SMARCC1: variants seen among roughly 807,000 people sequenced by gnomAD.
SMARCC1 encodes the protein SWI/SNF complex subunit SMARCC1.
Under a neutral mutation model 147.4 loss-of-function variants are expected in SMARCC1, and 43 were observed. The observed-to-expected ratio is 0.29, with a 90% CI of 0.23 to 0.38. SMARCC1 has a LOEUF of 0.38. Among genes scored for constraint, SMARCC1 ranks in the 10% least tolerant of loss-of-function variants. The probability of loss-of-function intolerance (pLI) is 1.00; values close to 1 mark genes in which losing one functional copy is unlikely to be tolerated. For missense variants in SMARCC1, 1,119 were observed against 1,381.1 expected, an observed-to-expected ratio of 0.81 and a Z score of 3.01; for synonymous variants, 495 against 484.4, an observed-to-expected ratio of 1.02 and a Z score of -0.29.
At chr3:47,739,609 C>G (rs930635111) in intron 3 of SMARCC1, among the ~76,000 whole-genome samples, 1 of 152,148 alleles carries the variant, frequency 6.6e-6, no homozygotes, top group Non-Finnish European at 1.5e-5. Context: ...GCTGACATTA[C>G]AGGGGTGAGC....
intron 25 of SMARCC1, among the ~76,000 whole-genome samples, chr3:47,612,678 A>G (rs769564232): frequency 6.6e-6 from 1 of 152,204 alleles, no homozygotes; most frequent in Non-Finnish European, 1.5e-5. Context: ...GCTAGCCTGT[A>G]TTATCCTCTT....
intron 3 of SMARCC1, among the ~76,000 whole-genome samples, chr3:47,744,433 A>T (rs1364733284): frequency 6.6e-6 from 1 of 152,196 alleles, no homozygotes; most frequent in Non-Finnish European, 1.5e-5. Flanking sequence ...AAGTTTCAGT[A>T]AATACACATG....
At chr3:47,759,940 G>C (rs2034754647) in intron 2 of SMARCC1, among the ~76,000 whole-genome samples, 1 of 149,418 alleles carries the variant, frequency 6.7e-6, no homozygotes, top group Non-Finnish European at 1.5e-5. Flanking sequence ...TCCATCTCCA[G>C]AAAAAAAAGA....
intron 19 of SMARCC1, chr3:47,670,421 C>A: frequency 4.1e-6 from 2 of 489,444 alleles, no homozygotes; most frequent in East Asian, 6.8e-5. Context: ...CCCATTGCTA[C>A]AAAAAATACA....
rs1335852457 is a variant in SMARCC1 at position 47,663,066 on chromosome 3, TAGAA to T, written c.1900-478_1900-475del. 9.2e-5 allele frequency among the ~76,000 whole-genome samples: 12 copies of T among 130,450 alleles called. No individual in the cohort carries two copies. In the East Asian group the frequency reaches 1.2e-3, roughly 13 times the overall value. 85.6% of individuals were successfully genotyped at this position (130,450 alleles called of 152,430 possible). A position where few individuals can be genotyped will look rare whatever the true frequency, so the allele number is the denominator to read the frequency against. ...ATTCCAGCCTAGGCGGCAAGAGTGA[TAGAA>T]AGAAAGAAAAGAAGAAACAAAAGAA... On this transcript the variant is annotated intron_variant, in intron 19 of 27. Transcript: ENST00000254480.
At chr3:47,743,278 A>C (rs1036429753) in intron 3 of SMARCC1, among the ~76,000 whole-genome samples, 1 of 152,238 alleles carries the variant, frequency 6.6e-6, no homozygotes, top group Non-Finnish European at 1.5e-5. Flanking sequence ...GAAGGTGCAC[A>C]CTGAAACTGG....
intron 25 of SMARCC1, among the ~76,000 whole-genome samples, chr3:47,611,477 G>A (rs2032564016): frequency 6.6e-6 from 1 of 152,068 alleles, no homozygotes; most frequent in Non-Finnish European, 1.5e-5. Flanking sequence ...TACATATACT[G>A]GATTATGTAA....
At chr3:47,749,772 G>A (rs965187257) in intron 2 of SMARCC1, among the ~76,000 whole-genome samples, 18 of 145,796 alleles carry the variant, frequency 1.2e-4, no homozygotes, top group South Asian at 1.1e-3. Flanking sequence ...GAGAGGTGGC[G>A]GGGAGAGGGA....
rs369050809 is a variant in SMARCC1 at position 47,651,540 on chromosome 3, T to G, written c.2320+9754A>C. ...GCTTTACACTGGCTTCTGCCAATAC[T>G]GGGAACACTCTTACACTGGATGCCT... On this transcript the variant is annotated intron_variant, in intron 21 of 27. Transcript: ENST00000254480. 3.1e-4 allele frequency among the ~76,000 whole-genome samples: 47 copies of G among 152,322 alleles called. No homozygotes were observed. In the East Asian group the frequency reaches 4.2e-3, roughly 14 times the overall value.
At chr3:47,604,345 C>T (rs1219295181) in intron 26 of SMARCC1, 2 of 453,430 alleles carry the variant, frequency 4.4e-6, no homozygotes, top group East Asian at 7.0e-5. Context: ...CCCAACCTTA[C>T]TGGCATTCAG....
chr3:47,684,625 T>C (rs1002164642), intron 14 of SMARCC1, among the ~76,000 whole-genome samples: 6 of 152,210 alleles, frequency 3.9e-5, no homozygotes, highest in African/African-American at 1.4e-4. Flanking sequence ...GTATTTTTAA[T>C]AGAGACGGGG....
At chr3:47,723,692 A>C (rs919591340) in intron 6 of SMARCC1, among the ~76,000 whole-genome samples, 30 of 152,052 alleles carry the variant, frequency 2.0e-4, no homozygotes, top group Non-Finnish European at 1.2e-4. Context: ...GGGGGCCTGT[A>C]ATCCCAGCTA....
chr3:47,705,270 AGCTGAGATTGTGC>A (rs1306589102), intron 10 of SMARCC1, among the ~76,000 whole-genome samples: 1 of 140,978 alleles, frequency 7.1e-6, no homozygotes, highest in Non-Finnish European at 1.5e-5. Flanking sequence ...GGTTGCAGTG[AGCTGAGATTGTGC>A]CACTGCACTC....
At chr3:47,777,215 T>TG (rs1258726320) in intron 1 of SMARCC1, among the ~76,000 whole-genome samples, 3 of 151,516 alleles carry the variant, frequency 2.0e-5, no homozygotes, top group Non-Finnish European at 4.4e-5. Context: ...CCTGGGTAGC[T>TG]GGGATTACAG....
At chr3:47,611,348 G>A (rs2106671141) in intron 25 of SMARCC1, among the ~76,000 whole-genome samples, 1 of 152,322 alleles carries the variant, frequency 6.6e-6, no homozygotes, top group Non-Finnish European at 1.5e-5. Context: ...CTGAGCACTT[G>A]AAGTGTGGCT....
intron 2 of SMARCC1, among the ~76,000 whole-genome samples, chr3:47,761,845 G>A (rs1179848754): frequency 6.6e-6 from 1 of 152,138 alleles, no homozygotes; most frequent in African/African-American, 2.4e-5. Context: ...GTCTCACTCT[G>A]TTGCCCAGGC....
At chr3:47,692,519 T>C (rs2033802232) in intron 12 of SMARCC1, among the ~76,000 whole-genome samples, 1 of 152,194 alleles carries the variant, frequency 6.6e-6, no homozygotes, top group Non-Finnish European at 1.5e-5. Context: ...ACTATTTCCT[T>C]AAAACTCATA....
chr3:47,629,131 T>C lies in SMARCC1; in HGVS notation c.2646+6059A>G, dbSNP rs1475034572. 3.3e-5 allele frequency among the ~76,000 whole-genome samples: 5 copies of C among 152,350 alleles called. No homozygotes were observed. The South Asian group carries it at 1.0e-3, about 32-fold the overall frequency. Reference sequence around the variant, plus strand: ...TAGATTTCAAATTTGCCATCAACGATGACTGCTCTGTGTCTCCAATTCAAA... The same window carrying C: ...TAGATTTCAAATTTGCCATCAACGACGACTGCTCTGTGTCTCCAATTCAAA... On this transcript the variant is annotated intron_variant, in intron 24 of 27. Transcript: ENST00000254480.
At chr3:47,714,020 T>C (rs2034123916) in intron 8 of SMARCC1, among the ~76,000 whole-genome samples, 2 of 152,212 alleles carry the variant, frequency 1.3e-5, no homozygotes. Flanking sequence ...CTGTATCTCC[T>C]TAGAGAGACT....
Sources: gnomAD v4.1 joint callset for allele counts (sites outside exome capture counted in the v4.1 genomes callset) on GRCh38, gnomAD v4.1.1 for gene constraint, MANE v1.5 for transcripts, NCBI Gene and HGNC (gene_info 2026-07-23, HGNC 2026-07-21) for gene names.